Variants in PCDHA3 observed in about 807,000 individuals in gnomAD.
PCDHA3 encodes the protein protocadherin alpha-3.
Under a neutral mutation model 62.2 loss-of-function variants are expected in PCDHA3, and 41 were observed. The observed-to-expected ratio is 0.66, with a 90% CI of 0.51 to 0.86. The LOEUF is 0.86. Ranked by LOEUF, PCDHA3 falls within the 40% of genes least tolerant of loss-of-function variation. The pLI is 0.00. For synonymous variants in PCDHA3, 640 were observed against 555.4 expected, an observed-to-expected ratio of 1.15 and a Z score of -2.14; for missense variants, 1,304 against 1,241.2, an observed-to-expected ratio of 1.05 and a Z score of -0.76.
At chr5:140,999,182 G>T (rs1285087964) in intron 3 of PCDHA3, among the ~76,000 whole-genome samples, 4 of 152,204 alleles carry the variant, frequency 2.6e-5, no homozygotes, top group Non-Finnish European at 5.9e-5. Context: ...CTGATGGGGA[G>T]AGGGTCCTTG....
rs1554122674 is a variant in PCDHA3, at chr5:140,803,252, C to T, written c.2055C>T (p.Gly685=). 8 of 1,613,866 alleles carry T rather than the reference C, an allele frequency of 5.0e-6. No individual in the cohort carries two copies. The highest frequency in any genetic ancestry group is 6.8e-6 in the Non-Finnish European group (8 of 1,179,958). The change falls in exon 1 of 4, where the codon GGC becomes GGT. Residue 685 remains glycine, a synonymous_variant. Coordinates refer to ENST00000522353, the MANE Select transcript of PCDHA3 (RefSeq NM_018906.3). ...AGGCCTCGTCCCAGGCGTCCGCTGG[C>T]GCCACGGGCCCGGAAGCTGCACTGG... The part of the protein sequence containing the change: ...APKASSQASA[G]ATGPEAALVD...
intron 1 of PCDHA3, chr5:140,851,063 G>A (rs1192104512): frequency 7.3e-7 from 1 of 1,372,672 alleles, no homozygotes; most frequent in Non-Finnish European, 9.6e-7. Context: ...TTGACTTCTA[G>A]TGAGAATTAT....
chr5:140,851,824 T>C (rs1336167909), intron 1 of PCDHA3: 1 of 964,578 alleles, frequency 1.0e-6, no homozygotes, highest in Non-Finnish European at 1.3e-6. Context: ...CAGAAATCTG[T>C]TTTTTTAAAA....
At chr5:140,901,282 T>A (rs555723354) in intron 1 of PCDHA3, among the ~76,000 whole-genome samples, 44 of 152,318 alleles carry the variant, frequency 2.9e-4, no homozygotes, top group African/African-American at 1.0e-3. Context: ...CAAGAAATTT[T>A]TGCCCAGACT....
At chr5:140,925,142 C>G (rs2082353538) in intron 1 of PCDHA3, among the ~76,000 whole-genome samples, 1 of 151,570 alleles carries the variant, frequency 6.6e-6, no homozygotes, top group African/African-American at 2.4e-5. Context: ...TTCAAACATA[C>G]ACAAAAGTTG....
chr5:140,923,245 G>T (rs1584300888), intron 1 of PCDHA3, among the ~76,000 whole-genome samples: 3 of 152,190 alleles, frequency 2.0e-5, no homozygotes, highest in East Asian at 1.9e-4. Context: ...TTTGAGACCA[G>T]CTGGGCAACA....
chr5:141,009,533 G>T (rs1410740655), intron 3 of PCDHA3, 94 bp from the exon 4 acceptor site: 1 of 1,509,328 alleles, frequency 6.6e-7, no homozygotes, highest in African/African-American at 1.4e-5. Context: ...GGGAGGTTCA[G>T]CCTGCCTATG....
chr5:140,803,350 A>G lies in PCDHA3; in HGVS notation c.2153A>G (p.Tyr718Cys). ...SSLLVLTLLL[Y>C]TALRCSAPPT... ...CTGTTGGTGCTCACACTGCTGCTAT[A>G]TACTGCTCTGCGGTGCTCCGCGCCG... The change falls in exon 1 of 4, where the codon TAT becomes TGT. Residue 718 changes from tyrosine (Y) to cysteine (C), a missense_variant. Transcript: ENST00000522353. 2 of 1,614,182 alleles carry G rather than the reference A, an allele frequency of 1.2e-6. No homozygotes were observed. The highest frequency in any genetic ancestry group is 1.7e-6 in the Non-Finnish European group (2 of 1,180,012).
At chr5:140,854,852 A>G (rs1161281269) in intron 1 of PCDHA3, among the ~76,000 whole-genome samples, 1 of 149,940 alleles carries the variant, frequency 6.7e-6, no homozygotes, top group African/African-American at 2.4e-5. Flanking sequence ...TGATAAAATT[A>G]CTAGATATAT....
At chr5:140,926,115 A>G (rs1554203115) in intron 1 of PCDHA3, among the ~76,000 whole-genome samples, 1 of 152,134 alleles carries the variant, frequency 6.6e-6, no homozygotes, top group East Asian at 1.9e-4. Context: ...AGGGTGCAGG[A>G]CAGACTTCAA....
At chr5:140,844,880 C>A (rs1779593021) in intron 1 of PCDHA3, among the ~76,000 whole-genome samples, 2 of 149,342 alleles carry the variant, frequency 1.3e-5, no homozygotes, top group South Asian at 4.2e-4. Context: ...ACCCATTAGA[C>A]TTCGTGCATA....
intron 1 of PCDHA3, among the ~76,000 whole-genome samples, chr5:140,934,486 A>G (rs1243287097): frequency 6.6e-6 from 1 of 152,124 alleles, no homozygotes; most frequent in East Asian, 1.9e-4. Context: ...AATTATATTC[A>G]CCTCATAAAC....
Position 140,871,296 on chromosome 5 carries a change from C to A in PCDHA3, c.2394+67705C>A. ...CGGCAACGCCCACTGAGGGCGCGTG[C>A]GCGCCGGGGAAGCCCACGCTGGTGT... On this transcript the variant is annotated intron_variant, in intron 1 of 3. Coordinates refer to ENST00000522353, the MANE Select transcript of PCDHA3 (RefSeq NM_018906.3). 7 of 1,613,892 alleles carry A rather than the reference C, an allele frequency of 4.3e-6. No homozygotes were observed. The South Asian group carries it at 4.4e-5, about 10-fold the overall frequency.
chr5:140,870,852 G>A lies in PCDHA3; in HGVS notation c.2394+67261G>A, dbSNP rs782301779. 4.3e-6 allele frequency: 7 copies of A among 1,613,862 alleles called. No individual in the cohort carries two copies. In the Admixed American group the frequency reaches 1.0e-4, roughly 23 times the overall value. ...CAGTTAACAAGCTAGTACCGCGGTCGGTGGGTGCGGGCCACGTGGTGGCGA... is the reference window on the plus strand; with the variant it reads ...CAGTTAACAAGCTAGTACCGCGGTCAGTGGGTGCGGGCCACGTGGTGGCGA... On this transcript the variant is annotated intron_variant, in intron 1 of 3. Transcript: ENST00000522353.
chr5:140,896,074 A>C (rs1251086240), intron 1 of PCDHA3, among the ~76,000 whole-genome samples: 1 of 151,976 alleles, frequency 6.6e-6, no homozygotes, highest in African/African-American at 2.4e-5. Context: ...GCCTCCCAAC[A>C]TGCTGGGATT....
At chr5:140,969,592 A>G (rs547411191) in intron 1 of PCDHA3, 72 of 829,536 alleles carry the variant, frequency 8.7e-5, no homozygotes, top group Middle Eastern at 3.7e-4. Context: ...TAGTCTTAAT[A>G]TTTAATGCTA....
chr5:140,856,872 A>G (rs1554149238), intron 1 of PCDHA3: 1 of 1,596,142 alleles, frequency 6.3e-7, no homozygotes, highest in South Asian at 1.1e-5. Flanking sequence ...ATAAACAAGG[A>G]AATGATGTAT....
intron 1 of PCDHA3, chr5:140,884,544 G>A (rs1554181708): frequency 6.2e-7 from 1 of 1,614,222 alleles, no homozygotes; most frequent in East Asian, 2.2e-5. Flanking sequence ...CCGAGGGTGT[G>A]CTCTGGGGAG....
At chr5:140,982,658 C>G (rs530615346) in intron 3 of PCDHA3, 95 bp downstream of exon 3, 2 of 1,487,730 alleles carry the variant, frequency 1.3e-6, no homozygotes, top group East Asian at 4.9e-5. Context: ...GGCTCTTTTT[C>G]TTTTATATTT....
Sources: allele counts gnomAD v4.1 joint callset (sites outside exome capture counted in the v4.1 genomes callset), GRCh38; gene constraint gnomAD v4.1.1; transcripts MANE v1.5; gene names NCBI Gene and HGNC (gene_info 2026-07-23, HGNC 2026-07-21).